Variants in TACC1 observed in about 807,000 individuals in gnomAD.
TACC1 encodes transforming acidic coiled-coil containing protein 1, also known as transforming acidic coiled-coil-containing protein 1.
In TACC1, 48 loss-of-function variants were observed where a neutral mutation model predicts 84.4. The observed-to-expected ratio is 0.57, with a 90% confidence interval of 0.45 to 0.72. The LOEUF is 0.72. Among genes scored for constraint, TACC1 ranks in the 30% least tolerant of loss-of-function variants. TACC1 has a pLI of 0.00. For synonymous variants in TACC1, 372 were observed against 376.3 expected (o/e 0.99, Z 0.13); for missense variants, 920 against 973.0 (o/e 0.95, Z 0.72).
rs1828792103 is a variant in TACC1 at position 38,829,502 on chromosome 8, CT to C, written c.1661-1621del. ...GCCTCTTACACAGATCTGCACATCC[CT>C]TCAGGTCTCTCCAGCATGCTTTTGC... is the stretch of plus-strand genomic sequence containing the variant. On this transcript the variant is annotated intron_variant, in intron 5 of 12. Coordinates refer to ENST00000317827, the MANE Select transcript of TACC1 (RefSeq NM_006283.3). Among the ~76,000 whole-genome samples, 3 of 152,130 alleles carry C rather than the reference CT, an allele frequency of 2.0e-5. No individual in the cohort carries two copies. In the South Asian group the frequency reaches 6.2e-4, roughly 32 times the overall value.
chr8:38,805,387 A>G (rs1822433072), intron 2 of TACC1: 1 of 152,270 alleles, frequency 6.6e-6, no homozygotes, highest in South Asian at 2.1e-4. Flanking sequence ...TCATTGAGAA[A>G]GGGAAGCTGG....
At chr8:38,741,776 G>C (rs1218822238) in intron 1 of TACC1, among the ~76,000 whole-genome samples, 1 of 152,208 alleles carries the variant, frequency 6.6e-6, no homozygotes, top group Non-Finnish European at 1.5e-5. Flanking sequence ...AAAATACAAA[G>C]AGTCAATATT....
At position 38,791,263 on chromosome 8, in the gene TACC1, C is replaced by G. The variant is rs370110586; in HGVS notation, c.277+2444C>G. ...GTGACTCTCACATTTTTTTCATTCT[C>G]TCTAAAAGGAAAACTTTTAAATGTT... On this transcript the variant is annotated intron_variant, in intron 2 of 12. Coordinates refer to ENST00000317827, the MANE Select transcript of TACC1 (RefSeq NM_006283.3). Among the ~76,000 whole-genome samples, 5 of 152,114 alleles carry G rather than the reference C, an allele frequency of 3.3e-5. No individual in the cohort carries two copies. In the East Asian group the frequency reaches 7.7e-4, roughly 24 times the overall value.
intron 3 of TACC1, among the ~76,000 whole-genome samples, chr8:38,770,017 T>C (rs1174357132): frequency 3.4e-5 from 5 of 148,122 alleles, no homozygotes; most frequent in African/African-American, 1.3e-4. Context: ...CTGGGGGAGG[T>C]GCATGTGTGA....
chr8:38,755,707 A>AAACAACAACAACAAC lies in TACC1; in HGVS notation c.26+10246_26+10260dup, dbSNP rs71216684. On this transcript the variant is annotated intron_variant, in intron 3 of 14. Transcript: ENST00000518415. Reference sequence around the variant, plus strand: ...CAACAGAAAGAGACACGGTCTTTCAAAACAACAACAACAACAACAACAACA... The same window carrying AAACAACAACAACAAC: ...CAACAGAAAGAGACACGGTCTTTCAAAACAACAACAACAACAACAACAACAACAACAACAACAACA... 3.0e-3 allele frequency among the ~76,000 whole-genome samples: 423 copies of AAACAACAACAACAAC among 140,920 alleles called. 1 individual carries two copies. Among genetic ancestry groups the AAACAACAACAACAAC allele is most frequent in the Non-Finnish European group, 4.4e-3 (284 of 64,828 alleles). The allele number at this position is 140,920 out of a possible 152,430, so 92.4% of individuals were successfully genotyped here.
At chr8:38,749,739 G>A (rs1315562842) in intron 3 of TACC1, among the ~76,000 whole-genome samples, 1 of 151,984 alleles carries the variant, frequency 6.6e-6, no homozygotes, top group Non-Finnish European at 1.5e-5. Context: ...TTACAGGCAC[G>A]CACAACCACG....
At chr8:38,807,475 C>T (rs375755650) in intron 2 of TACC1, among the ~76,000 whole-genome samples, 92 of 152,188 alleles carry the variant, frequency 6.0e-4, no homozygotes, top group African/African-American at 2.1e-3. Context: ...AAGTGGTGGA[C>T]GAATCTGAAA....
chr8:38,778,260 C>G (rs941479610), intron 3 of TACC1, among the ~76,000 whole-genome samples: 10 of 135,958 alleles, frequency 7.4e-5, no homozygotes, highest in Admixed American at 1.6e-4. Flanking sequence ...GCTTTTTTAT[C>G]TTAATAATTA....
intron 3 of TACC1, among the ~76,000 whole-genome samples, chr8:38,822,135 C>T (rs1250925883): frequency 6.6e-6 from 1 of 151,044 alleles, no homozygotes; most frequent in East Asian, 2.0e-4. Flanking sequence ...GACCCAGCTA[C>T]TCAGGAGGTT....
chr8:38,730,304 C>A (rs532013615), intron 1 of TACC1, among the ~76,000 whole-genome samples: 2 of 152,358 alleles, frequency 1.3e-5, no homozygotes, highest in East Asian at 3.9e-4. Context: ...CCTGACCTCT[C>A]GTGCAGGGAC....
At chr8:38,832,653 A>G (rs1458463578) in intron 6 of TACC1, among the ~76,000 whole-genome samples, 2 of 152,210 alleles carry the variant, frequency 1.3e-5, no homozygotes, top group African/African-American at 4.8e-5. Context: ...CAGTGGTAGG[A>G]GTCAGTCTCT....
At chr8:38,832,765 T>G (rs1829514643) in intron 6 of TACC1, among the ~76,000 whole-genome samples, 1 of 152,240 alleles carries the variant, frequency 6.6e-6, no homozygotes, top group South Asian at 2.1e-4. Context: ...TTGGCTTTTT[T>G]GGGCACGTCT....
intron 3 of TACC1, among the ~76,000 whole-genome samples, chr8:38,764,426 T>TAAAAA (rs71216685): frequency 2.0e-5 from 2 of 100,986 alleles, no homozygotes; most frequent in African/African-American, 8.1e-5. Context: ...ATCAATTTGG[T>TAAAAA]AAAAAAAAAA....
intron 5 of TACC1, chr8:38,828,163 A>C (rs1366094251): frequency 6.6e-6 from 1 of 152,298 alleles, no homozygotes. Context: ...AACAACTGAC[A>C]TGTATGGTGC....
intron 3 of TACC1, among the ~76,000 whole-genome samples, chr8:38,763,238 C>T (rs756951887): frequency 2.0e-5 from 3 of 152,096 alleles, no homozygotes; most frequent in Non-Finnish European, 4.4e-5. Context: ...AAGCCTTGAA[C>T]TCCTGGGCTG....
At chr8:38,756,157 G>T (rs1005320047) in intron 3 of TACC1, among the ~76,000 whole-genome samples, 1 of 151,986 alleles carries the variant, frequency 6.6e-6, no homozygotes, top group Non-Finnish European at 1.5e-5. Context: ...TGCTTCGTTA[G>T]CAGAGTTAAC....
upstream of TACC1, chr8:38,785,623 C>G (rs889423049): frequency 2.3e-6 from 2 of 872,866 alleles, no homozygotes; most frequent in Non-Finnish European, 2.8e-6. Context: ...GGAGGAAGAA[C>G]AGGTCCTAGT....
intron 2 of TACC1, among the ~76,000 whole-genome samples, chr8:38,801,508 C>T (rs528092256): frequency 6.6e-6 from 1 of 152,168 alleles, no homozygotes; most frequent in Non-Finnish European, 1.5e-5. Context: ...GCACCCTTGT[C>T]AAAAATCAGT....
At chr8:38,844,416 C>A (rs182304741) in intron 11 of TACC1, among the ~76,000 whole-genome samples, 51 of 152,186 alleles carry the variant, frequency 3.4e-4, no homozygotes, top group Non-Finnish European at 5.9e-4. Flanking sequence ...TCAGGTGATC[C>A]GCCCGCCTCA....
Sources: gnomAD v4.1 joint callset for allele counts (sites outside exome capture counted in the v4.1 genomes callset) on GRCh38, gnomAD v4.1.1 for gene constraint, MANE v1.5 for transcripts, NCBI Gene and HGNC (gene_info 2026-07-23, HGNC 2026-07-21) for gene names.